Variants in IMMP2L observed in about 807,000 individuals in gnomAD.
IMMP2L encodes mitochondrial inner membrane protease subunit 2.
A neutral mutation model predicts 19.3 loss-of-function variants in IMMP2L; 18 were observed. The ratio of observed to expected loss-of-function variants is 0.93; its 90% CI spans 0.64 to 1.38. IMMP2L has a LOEUF of 1.38. IMMP2L is among the 40% of genes most tolerant of loss of function. The pLI, the probability that IMMP2L is intolerant of heterozygous loss-of-function variation, is 0.00. For synonymous variants in IMMP2L, 76 were observed against 73.0 expected, an observed-to-expected ratio of 1.04 and a Z score of -0.21; for missense variants, 233 against 218.2, an observed-to-expected ratio of 1.07 and a Z score of -0.43.
At chr7:111,399,467 G>T (rs1314790006) in intron 3 of IMMP2L, among the ~76,000 whole-genome samples, 1 of 151,936 alleles carries the variant, frequency 6.6e-6, no homozygotes. Context: ...ATTCAAGTGT[G>T]CTTCAGCCAC....
chr7:111,501,080 A>C (rs1844192312), intron 2 of IMMP2L, among the ~76,000 whole-genome samples: 1 of 152,108 alleles, frequency 6.6e-6, no homozygotes, highest in African/African-American at 2.4e-5. Context: ...TTTGAAAAAA[A>C]ATTAGACGAA....
At chr7:110,836,932 C>A (rs186305366) in intron 5 of IMMP2L, among the ~76,000 whole-genome samples, 1 of 152,070 alleles carries the variant, frequency 6.6e-6, no homozygotes, top group African/African-American at 2.4e-5. Flanking sequence ...ATTACCACAA[C>A]CTTTCTGAAA....
chr7:111,423,086 T>A (rs1270665672), intron 3 of IMMP2L, among the ~76,000 whole-genome samples: 1 of 151,872 alleles, frequency 6.6e-6, no homozygotes, highest in Non-Finnish European at 1.5e-5. Flanking sequence ...TCATGGTGGA[T>A]AAGCTTCTTG....
chr7:110,903,178 C>T (rs988998061), intron 4 of IMMP2L, among the ~76,000 whole-genome samples: 6 of 152,116 alleles, frequency 3.9e-5, no homozygotes, highest in Non-Finnish European at 7.4e-5. Context: ...CAGGCTAACA[C>T]TGATTACGGG....
chr7:111,187,310 A>G (rs1808378589), intron 3 of IMMP2L, among the ~76,000 whole-genome samples: 2 of 152,228 alleles, frequency 1.3e-5, no homozygotes, highest in South Asian at 2.1e-4. Context: ...AAGTTCTGCC[A>G]CCCAAGGAGA....
At chr7:110,823,827 A>T (rs60516565) in intron 5 of IMMP2L, among the ~76,000 whole-genome samples, 13,392 of 152,160 alleles carry the variant, frequency 0.088, 908 homozygotes, top group African/African-American at 0.19. Flanking sequence ...ACCTTTGGTA[A>T]AGAACTACTC....
intron 2 of IMMP2L, among the ~76,000 whole-genome samples, chr7:111,492,678 G>C (rs549400444): frequency 6.6e-6 from 1 of 152,196 alleles, no homozygotes; most frequent in South Asian, 2.1e-4. Flanking sequence ...AATTGTAATT[G>C]TTAGAACCAA....
At position 111,197,744 on chromosome 7, in the gene IMMP2L, T is replaced by C. The variant is rs116720561; in HGVS notation, c.240-234179A>G. Among the ~76,000 whole-genome samples the C allele has an allele frequency of 8.9e-3, 1,349 of 152,272 alleles. 23 individuals carry two copies. The highest frequency in any genetic ancestry group is 0.031 in the African/African-American group (1,294 of 41,548). The stretch of plus-strand genomic sequence containing the variant: ...TTTCAGTGTGTTCACTCAATACTAT[T>C]ACATTCTATCAAATGACAAATCCAT... On this transcript the variant is annotated intron_variant, in intron 3 of 5. Transcript: ENST00000405709.
chr7:110,682,559 C>T (rs1334930372), intron 5 of IMMP2L, among the ~76,000 whole-genome samples: 1 of 152,094 alleles, frequency 6.6e-6, no homozygotes, highest in Non-Finnish European at 1.5e-5. Context: ...GAGAAAAGAA[C>T]AAGGTGATGG....
intron 3 of IMMP2L, among the ~76,000 whole-genome samples, chr7:111,135,470 G>C (rs1743828742): frequency 6.6e-6 from 1 of 152,076 alleles, no homozygotes; most frequent in Admixed American, 6.5e-5. Context: ...TTTCTTAGAA[G>C]TGATGGGCCT....
chr7:111,527,598 A>G (rs1417821129), intron 1 of IMMP2L, among the ~76,000 whole-genome samples: 1 of 152,188 alleles, frequency 6.6e-6, no homozygotes, highest in Non-Finnish European at 1.5e-5. Flanking sequence ...AGACTTTTTT[A>G]AGTATTGAAA....
intron 4 of IMMP2L, among the ~76,000 whole-genome samples, chr7:110,915,405 A>C (rs2129549261): frequency 6.6e-6 from 1 of 152,068 alleles, no homozygotes; most frequent in African/African-American, 2.4e-5. Context: ...TGTGGAATCT[A>C]AAATAGTCAA....
At chr7:110,991,650 T>C (rs1822468408) in intron 3 of IMMP2L, among the ~76,000 whole-genome samples, 1 of 152,194 alleles carries the variant, frequency 6.6e-6, no homozygotes, top group Admixed American at 6.6e-5. Context: ...GACACACTAC[T>C]AGTAGACTCT....
intron 3 of IMMP2L, among the ~76,000 whole-genome samples, chr7:111,126,089 T>A (rs1488813071): frequency 6.6e-6 from 1 of 152,016 alleles, no homozygotes; most frequent in Non-Finnish European, 1.5e-5. Context: ...CCCCAAAGTA[T>A]TGGGATTACA....
intron 4 of IMMP2L, among the ~76,000 whole-genome samples, chr7:110,948,712 G>T (rs894104380): frequency 6.6e-6 from 1 of 152,058 alleles, no homozygotes; most frequent in Non-Finnish European, 1.5e-5. Context: ...TTAATTTTAG[G>T]TGCCAATTTA....
rs528390763 is a variant in IMMP2L, at chr7:111,176,043, G to A, written c.240-212478C>T. Among the ~76,000 whole-genome samples the A allele has an allele frequency of 3.9e-5, 6 of 152,108 alleles. No homozygotes were observed. In the East Asian group the frequency reaches 1.2e-3, roughly 29 times the overall value. On this transcript the variant is annotated intron_variant, in intron 3 of 5. Coordinates refer to ENST00000405709, the MANE Select transcript of IMMP2L (RefSeq NM_032549.4). Reference sequence around the variant, plus strand: ...AGGTGCTCAACATCACTGATCAACAGAGAAATGCAAAGCGAAACTACAATG... The same window carrying A: ...AGGTGCTCAACATCACTGATCAACAAAGAAATGCAAAGCGAAACTACAATG...
chr7:111,241,805 G>A (rs1421391486), intron 3 of IMMP2L, among the ~76,000 whole-genome samples: 3 of 151,610 alleles, frequency 2.0e-5, no homozygotes, highest in Non-Finnish European at 4.4e-5. Flanking sequence ...ATGATTTATA[G>A]AACTGAGTAA....
At chr7:110,972,469 G>T (rs1315395999) in intron 3 of IMMP2L, among the ~76,000 whole-genome samples, 1 of 151,852 alleles carries the variant, frequency 6.6e-6, no homozygotes, top group Non-Finnish European at 1.5e-5. Context: ...TTTCCTTTCT[G>T]CTGGATAAAC....
intron 3 of IMMP2L, among the ~76,000 whole-genome samples, chr7:111,172,682 T>C (rs1381340090): frequency 2.0e-5 from 3 of 151,710 alleles, no homozygotes; most frequent in African/African-American, 7.2e-5. Flanking sequence ...GTAACCACTA[T>C]TCTACTCTCT....
Sources: allele counts gnomAD v4.1 joint callset (sites outside exome capture counted in the v4.1 genomes callset), GRCh38; gene constraint gnomAD v4.1.1; transcripts MANE v1.5; gene names NCBI Gene and HGNC (gene_info 2026-07-23, HGNC 2026-07-21).